The following ASPH variants were observed in gnomAD, a reference collection of about 807,000 sequenced individuals.
The protein encoded by ASPH is aspartyl/asparaginyl beta-hydroxylase.
In ASPH, 100 loss-of-function variants were observed where a neutral mutation model predicts 118.4. The ratio of observed to expected loss-of-function variants is 0.84; its 90% CI spans 0.72 to 1.00. The LOEUF (loss-of-function observed/expected upper bound fraction) is 1.00, where lower values mean the gene tolerates loss of function less well. Among genes scored for constraint, ASPH ranks in the 50% least tolerant of loss-of-function variants. The pLI is 0.00. For missense variants in ASPH, 920 were observed against 919.5 expected, an observed-to-expected ratio of 1.00 and a Z score of -0.01; for synonymous variants, 315 against 325.6, an observed-to-expected ratio of 0.97 and a Z score of 0.35.
chr8:61,691,510 T>C (rs950246687), intron 1 of ASPH, among the ~76,000 whole-genome samples: 1 of 152,226 alleles, frequency 6.6e-6, no homozygotes, highest in African/African-American at 2.4e-5. Context: ...TTCGTCACCA[T>C]ACAAATTTAT....
intron 3 of ASPH, among the ~76,000 whole-genome samples, chr8:61,673,682 T>C (rs1007830277): frequency 6.6e-6 from 1 of 152,126 alleles, no homozygotes; most frequent in Admixed American, 6.5e-5. Context: ...AGTCAGAAAA[T>C]ACACGCTTAG....
rs1170436348 is a variant in ASPH, at chr8:61,594,780, T to C, written c.977-10751A>G. The stretch of plus-strand genomic sequence containing the variant: ...TATGTATAGGAAAAAATATAGTATA[T>C]ATAGGTTTGGTACTATTCATAGTTT... On this transcript the variant is annotated intron_variant, in intron 14 of 24. Transcript: ENST00000379454. 2.6e-5 allele frequency among the ~76,000 whole-genome samples: 4 copies of C among 152,214 alleles called. No homozygotes were observed. In the East Asian group the frequency reaches 5.8e-4, roughly 22 times the overall value.
chr8:61,710,092 G>A (rs1347465320), intron 1 of ASPH, among the ~76,000 whole-genome samples: 2 of 152,104 alleles, frequency 1.3e-5, no homozygotes, highest in African/African-American at 4.8e-5. Context: ...ACTATTAGAC[G>A]TACTTTAACG....
intron 13 of ASPH, chr8:61,626,146 T>A: frequency 7.9e-7 from 1 of 1,262,810 alleles, no homozygotes; most frequent in Non-Finnish European, 1.0e-6. Flanking sequence ...TCAAAACATC[T>A]TTAGTGTTCC....
chr8:61,555,448 C>G (rs1362953152), intron 19 of ASPH, among the ~76,000 whole-genome samples: 1 of 151,938 alleles, frequency 6.6e-6, no homozygotes, highest in Non-Finnish European at 1.5e-5. Flanking sequence ...TGCACACCAC[C>G]ACACCAGGCT....
rs529138592 is a variant in ASPH at position 61,579,188 on chromosome 8, C to T, written c.1063-2330G>A. On this transcript the variant is annotated intron_variant, in intron 15 of 24. Coordinates refer to ENST00000379454, the MANE Select transcript of ASPH (RefSeq NM_004318.4). ...GCCAGCTCCAGGCTGAGATTGAGGG[C>T]CTCAAAGGCCAGAGGGCTTCCCTGG... The T allele has an allele frequency of 1.3e-4, 211 of 1,612,768 alleles. 1 individual carries two copies. In the South Asian group the frequency reaches 2.2e-3, roughly 17 times the overall value.
chr8:61,574,711 G>T (rs1400562299), intron 16 of ASPH, among the ~76,000 whole-genome samples: 1 of 152,144 alleles, frequency 6.6e-6, no homozygotes, highest in Non-Finnish European at 1.5e-5. Context: ...GGGGGGCTAG[G>T]GGAGGGATAG....
intron 24 of ASPH, among the ~76,000 whole-genome samples, chr8:61,504,475 T>C (rs1342520828): frequency 6.6e-6 from 1 of 152,194 alleles, no homozygotes; most frequent in African/African-American, 2.4e-5. Context: ...TAAAGAGGTT[T>C]TCTGTGCGAA....
rs146451819 is a variant in ASPH, at chr8:61,708,758, C to G, written c.103+5511G>C. Among the ~76,000 whole-genome samples the G allele has an allele frequency of 1.9e-4, 29 of 152,298 alleles. 3 individuals are homozygous for G. In the East Asian group the frequency reaches 5.4e-3, roughly 28 times the overall value. On this transcript the variant is annotated intron_variant, in intron 1 of 24. Transcript: ENST00000379454. ...GGGGTCTTAAGTACAGGATGAGTCA[C>G]TGGGTTCAACGTGTGGGCACACATG... is the stretch of plus-strand genomic sequence containing the variant.
intron 1 of ASPH, among the ~76,000 whole-genome samples, chr8:61,688,083 G>A (rs1047940385): frequency 2.6e-5 from 4 of 152,066 alleles, no homozygotes; most frequent in African/African-American, 7.2e-5. Context: ...ACTGATGAAC[G>A]CATGGTAAGA....
At chr8:61,688,981 C>T (rs187124185) in intron 1 of ASPH, among the ~76,000 whole-genome samples, 99 of 152,292 alleles carry the variant, frequency 6.5e-4, no homozygotes, top group African/African-American at 2.2e-3. Context: ...GATTAGACAG[C>T]TGAGAGTTAG....
chr8:61,647,494 A>G (rs972464667), intron 5 of ASPH, among the ~76,000 whole-genome samples: 5 of 151,960 alleles, frequency 3.3e-5, no homozygotes, highest in Non-Finnish European at 5.9e-5. Flanking sequence ...AACATGGTAA[A>G]ACCCCATCTC....
At chr8:61,567,025 T>TCGG in intron 17 of ASPH, 143 bp downstream of exon 17, 1 of 1,026,930 alleles carries the variant, frequency 9.7e-7, no homozygotes, top group South Asian at 1.7e-5. Context: ...ATGGTGAGCC[T>TCGG]AGGACAGACA....
At chr8:61,655,636 C>G (rs753956367) in intron 3 of ASPH, among the ~76,000 whole-genome samples, 6 of 152,128 alleles carry the variant, frequency 3.9e-5, no homozygotes, top group Non-Finnish European at 7.3e-5. Flanking sequence ...TACTAGTATA[C>G]CAACATTCCG....
At chr8:61,637,547 A>T (rs1228039214) in intron 12 of ASPH, among the ~76,000 whole-genome samples, 1 of 151,900 alleles carries the variant, frequency 6.6e-6, no homozygotes, top group African/African-American at 2.4e-5. Flanking sequence ...AAAAAAAAAA[A>T]TTTGTTTTGT....
intron 3 of ASPH, among the ~76,000 whole-genome samples, chr8:61,654,404 A>T (rs1045964016): frequency 6.6e-6 from 1 of 152,198 alleles, no homozygotes; most frequent in East Asian, 1.9e-4. Context: ...AGCTAAATTC[A>T]AGAGTTCAAA....
chr8:61,545,531 T>C (rs1823519979), intron 21 of ASPH, among the ~76,000 whole-genome samples: 2 of 152,166 alleles, frequency 1.3e-5, no homozygotes, highest in African/African-American at 2.4e-5. Flanking sequence ...GAGCTGAACA[T>C]AGAATAGAAA....
At chr8:61,618,416 T>C (rs1588156309) in intron 14 of ASPH, among the ~76,000 whole-genome samples, 1 of 152,220 alleles carries the variant, frequency 6.6e-6, no homozygotes. Flanking sequence ...TAATAAACTT[T>C]TGGCAGGCAG....
chr8:61,599,921 C>A (rs1207848140), intron 14 of ASPH, among the ~76,000 whole-genome samples: 2 of 152,146 alleles, frequency 1.3e-5, no homozygotes, highest in African/African-American at 4.8e-5. Flanking sequence ...GACAGCATTG[C>A]CCTGATACTA....
Sources: gnomAD v4.1 joint callset for allele counts (sites outside exome capture counted in the v4.1 genomes callset) on GRCh38, gnomAD v4.1.1 for gene constraint, MANE v1.5 for transcripts, NCBI Gene and HGNC (gene_info 2026-07-23, HGNC 2026-07-21) for gene names.